Variants in COLEC12 observed in about 807,000 individuals in gnomAD.
The protein encoded by COLEC12 is collectin-12.
Under a neutral mutation model 71.1 loss-of-function variants are expected in COLEC12, and 33 were observed. That is an observed-to-expected ratio of 0.46 (90% confidence interval 0.35 to 0.62). The LOEUF is 0.62. Ranked by LOEUF, COLEC12 falls within the 20% of genes least tolerant of loss-of-function variation. The probability of loss-of-function intolerance (pLI) is 0.00; values close to 1 mark genes in which losing one functional copy is unlikely to be tolerated. For missense variants in COLEC12, 765 were observed against 916.1 expected (o/e 0.84, Z 2.13); for synonymous variants, 350 against 353.0 (o/e 0.99, Z 0.10).
intron 2 of COLEC12, among the ~76,000 whole-genome samples, chr18:417,974 G>A (rs567793344): frequency 5.3e-5 from 8 of 152,208 alleles, no homozygotes; most frequent in South Asian, 2.1e-4. Flanking sequence ...GCCCTGCCCC[G>A]CACAGCTAAG....
chr18:470,220 A>ATTTTTTT (rs71174234), intron 2 of COLEC12, among the ~76,000 whole-genome samples: 20 of 92,384 alleles, frequency 2.2e-4, no homozygotes, highest in Admixed American at 4.7e-4. Flanking sequence ...AGGCCAGGAA[A>ATTTTTTT]TTTTTTTTTT....
intron 2 of COLEC12, among the ~76,000 whole-genome samples, chr18:460,858 C>T (rs1216030132): frequency 6.6e-6 from 1 of 152,174 alleles, no homozygotes; most frequent in Non-Finnish European, 1.5e-5. Flanking sequence ...TTATTAGGTG[C>T]ACATATCACT....
chr18:475,956 T>G (rs1038671932), intron 2 of COLEC12, among the ~76,000 whole-genome samples: 3 of 152,236 alleles, frequency 2.0e-5, no homozygotes, highest in African/African-American at 7.2e-5. Flanking sequence ...CGGCACCGTG[T>G]GGGCCAAACT....
intron 2 of COLEC12, among the ~76,000 whole-genome samples, chr18:464,300 C>A (rs1050398784): frequency 6.6e-6 from 1 of 152,222 alleles, no homozygotes; most frequent in African/African-American, 2.4e-5. Flanking sequence ...CTAATAAACA[C>A]AGCATCTCGC....
intron 2 of COLEC12, among the ~76,000 whole-genome samples, chr18:435,126 C>T (rs1185496862): frequency 6.6e-6 from 1 of 152,142 alleles, no homozygotes; most frequent in Admixed American, 6.5e-5. Context: ...GATTCTGGCA[C>T]CGAGCACACT....
At chr18:483,245 T>C (rs1290651670) in intron 1 of COLEC12, among the ~76,000 whole-genome samples, 1 of 151,656 alleles carries the variant, frequency 6.6e-6, no homozygotes, top group Admixed American at 6.6e-5. Flanking sequence ...ACTAAAAATA[T>C]AAAAATTAGC....
intron 2 of COLEC12, among the ~76,000 whole-genome samples, chr18:381,849 A>G (rs1361077206): frequency 6.6e-6 from 1 of 152,198 alleles, no homozygotes; most frequent in Admixed American, 6.5e-5. Context: ...TATGATATAC[A>G]TAGTTTCAAG....
chr18:332,218 G>A (rs1224995023), intron 7 of COLEC12, among the ~76,000 whole-genome samples: 1 of 152,244 alleles, frequency 6.6e-6, no homozygotes, highest in Non-Finnish European at 1.5e-5. Flanking sequence ...AGAAGTAGCT[G>A]AGCTGGGCTT....
intron 1 of COLEC12, among the ~76,000 whole-genome samples, chr18:489,810 TA>T (rs890369399): frequency 3.3e-5 from 5 of 152,066 alleles, no homozygotes; most frequent in Admixed American, 6.6e-5. Flanking sequence ...CAAGGGTTGT[TA>T]GGGGAAGGTA....
At chr18:325,627 C>CTTTTT (rs760407917) in intron 8 of COLEC12, among the ~76,000 whole-genome samples, 3,766 of 51,826 alleles carry the variant, frequency 0.073, 742 homozygotes, top group Non-Finnish European at 0.088. Flanking sequence ...AAGGATCAGC[C>CTTTTT]TTTTTTTTTT....
chr18:493,664 C>T (rs1296257456), intron 1 of COLEC12, among the ~76,000 whole-genome samples: 8 of 152,086 alleles, frequency 5.3e-5, no homozygotes, highest in African/African-American at 1.9e-4. Flanking sequence ...TTCTAGAGGG[C>T]CTTGCACACA....
At chr18:383,661 C>T (rs1390922244) in intron 2 of COLEC12, among the ~76,000 whole-genome samples, 2 of 152,164 alleles carry the variant, frequency 1.3e-5, no homozygotes, top group African/African-American at 2.4e-5. Context: ...CCCCTAACTG[C>T]CCCCTACCCA....
rs181086142 is a variant in COLEC12 at position 473,052 on chromosome 18, C to T, written c.58+7655G>A. On this transcript the variant is annotated intron_variant, in intron 2 of 9. Coordinates refer to ENST00000400256, the MANE Select transcript of COLEC12 (RefSeq NM_130386.3). ...AGAATATCAATAATAAAATATCAATCCTCCAAAGAATACACACTATATACT... is the reference window on the plus strand; with the variant it reads ...AGAATATCAATAATAAAATATCAATTCTCCAAAGAATACACACTATATACT... 2.2e-3 allele frequency among the ~76,000 whole-genome samples: 341 copies of T among 152,144 alleles called. 3 individuals are homozygous for T. Among genetic ancestry groups the T allele is most frequent in the African/African-American group, 7.5e-3 (311 of 41,510 alleles).
At chr18:339,358 A>G (rs577497117) in intron 5 of COLEC12, among the ~76,000 whole-genome samples, 142 of 152,322 alleles carry the variant, frequency 9.3e-4, no homozygotes, top group African/African-American at 3.3e-3. Flanking sequence ...CACCCAGTCA[A>G]TGTGTAAGTT....
chr18:458,471 G>A (rs1916914059), intron 2 of COLEC12, among the ~76,000 whole-genome samples: 1 of 152,224 alleles, frequency 6.6e-6, no homozygotes, highest in African/African-American at 2.4e-5. Flanking sequence ...AAGTGCACCT[G>A]AACGATCCAG....
intron 2 of COLEC12, among the ~76,000 whole-genome samples, chr18:409,263 G>A (rs1051688616): frequency 1.3e-5 from 2 of 152,214 alleles, no homozygotes; most frequent in African/African-American, 4.8e-5. Flanking sequence ...CTCCTAGGCC[G>A]GGCGTGGTGG....
At chr18:403,400 A>AT (rs1278377706) in intron 2 of COLEC12, among the ~76,000 whole-genome samples, 1 of 152,202 alleles carries the variant, frequency 6.6e-6, no homozygotes, top group Non-Finnish European at 1.5e-5. Flanking sequence ...GAAAGACAAG[A>AT]TTCTAATGCC....
intron 2 of COLEC12, among the ~76,000 whole-genome samples, chr18:402,522 G>A (rs146772240): frequency 4.9e-4 from 75 of 152,146 alleles, no homozygotes; most frequent in African/African-American, 1.7e-3. Flanking sequence ...AAGCATGGCC[G>A]GATGACACAA....
intron 8 of COLEC12, among the ~76,000 whole-genome samples, chr18:322,331 A>G (rs1913728115): frequency 6.6e-6 from 1 of 152,194 alleles, no homozygotes; most frequent in Admixed American, 6.5e-5. Flanking sequence ...ATTTACAAGA[A>G]CCTACAATTA....
Sources: gnomAD v4.1 joint callset for allele counts (sites outside exome capture counted in the v4.1 genomes callset) on GRCh38, gnomAD v4.1.1 for gene constraint, MANE v1.5 for transcripts, NCBI Gene and HGNC (gene_info 2026-07-23, HGNC 2026-07-21) for gene names.